VSNL1: variants seen among roughly 807,000 people sequenced by gnomAD.
VSNL1 encodes visinin-like protein 1.
A neutral mutation model predicts 20.4 loss-of-function variants in VSNL1; 6 were observed. The observed-to-expected ratio is 0.29, with a 90% confidence interval of 0.16 to 0.58. The LOEUF is 0.58. Ranked by LOEUF, VSNL1 falls within the 20% of genes least tolerant of loss-of-function variation. VSNL1 has a pLI of 0.90. For synonymous variants in VSNL1, 93 were observed against 86.4 expected, an observed-to-expected ratio of 1.08 and a Z score of -0.42; for missense variants, 100 against 234.5, an observed-to-expected ratio of 0.43 and a Z score of 3.75.
intron 1 of VSNL1, among the ~76,000 whole-genome samples, chr2:17,543,893 A>T (rs2103333377): frequency 6.6e-6 from 1 of 151,774 alleles, no homozygotes; most frequent in African/African-American, 2.4e-5. Flanking sequence ...CCTTTCTTCC[A>T]TAAAAATTCT....
chr2:17,574,039 A>G (rs1240261323), intron 1 of VSNL1, among the ~76,000 whole-genome samples: 1 of 152,200 alleles, frequency 6.6e-6, no homozygotes, highest in East Asian at 1.9e-4. Context: ...CAAGGAAGCC[A>G]TTTACTGGGA....
intron 2 of VSNL1, among the ~76,000 whole-genome samples, chr2:17,610,173 A>T (rs1426891831): frequency 2.6e-5 from 4 of 152,214 alleles, no homozygotes; most frequent in African/African-American, 9.6e-5. Context: ...AGATTTACTG[A>T]TACAGAATGA....
At chr2:17,547,976 C>CT (rs1301658402) in intron 1 of VSNL1, among the ~76,000 whole-genome samples, 10 of 152,204 alleles carry the variant, frequency 6.6e-5, no homozygotes, top group African/African-American at 1.9e-4. Flanking sequence ...TGTGATACTT[C>CT]TATCTTTTAA....
At chr2:17,594,526 T>C (rs1033298) in intron 2 of VSNL1, among the ~76,000 whole-genome samples, 16,740 of 152,262 alleles carry the variant, frequency 0.11, 1,192 homozygotes, top group African/African-American at 0.2. Context: ...TCTTTTAATG[T>C]TTCTGGAAAA....
At chr2:17,570,393 T>G (rs538584825) in intron 1 of VSNL1, among the ~76,000 whole-genome samples, 16 of 152,314 alleles carry the variant, frequency 1.1e-4, no homozygotes, top group African/African-American at 3.8e-4. Flanking sequence ...TATAAACCAC[T>G]TGACTTAATG....
chr2:17,650,789 C>T (rs1349688313), intron 3 of VSNL1, among the ~76,000 whole-genome samples: 1 of 152,234 alleles, frequency 6.6e-6, no homozygotes, highest in Non-Finnish European at 1.5e-5. Context: ...GGGAAGCTGG[C>T]CTCGTTCACT....
chr2:17,591,846 G>A (rs1440171711), intron 1 of VSNL1, among the ~76,000 whole-genome samples: 7 of 151,998 alleles, frequency 4.6e-5, no homozygotes, highest in Non-Finnish European at 8.8e-5. Flanking sequence ...ACACAATGAG[G>A]TAAAGAGTGA....
chr2:17,586,641 A>G lies in VSNL1; in HGVS notation c.-5-5429A>G, dbSNP rs183833733. ...GTTTATATCCCACCTTACCTAGCAC[A>G]GAGCTTTTCTCCTGGAAGATTCTTA... On this transcript the variant is annotated intron_variant, in intron 1 of 3. Transcript: ENST00000295156. Among the ~76,000 whole-genome samples, 40 of 150,424 alleles carry G rather than the reference A, an allele frequency of 2.7e-4. 1 individual carries two copies. The highest frequency in any genetic ancestry group is 3.4e-4 in the Non-Finnish European group (23 of 67,046).
chr2:17,655,576 G>C lies in VSNL1; in HGVS notation c.*182G>C. On this transcript the variant is annotated 3_prime_UTR_variant, in exon 4 of 4. Coordinates refer to ENST00000295156, the MANE Select transcript of VSNL1 (RefSeq NM_003385.5). The surrounding 1 kb of genome is among the most constrained non-coding windows in gnomAD (Gnocchi z 5.2). ...ACTCGTGTGCATGAGAATGTCATTT[G>C]CTAATGAATTTTAAAAGCATATATA... 1.7e-6 allele frequency: 1 copy of C among 585,810 alleles called. No individual in the cohort carries two copies. Among genetic ancestry groups the C allele is most frequent in the Non-Finnish European group, 2.9e-6 (1 of 341,656 alleles). 36.3% of individuals were successfully genotyped at this position (585,810 alleles called of 1,614,324 possible). A position where few individuals can be genotyped will look rare whatever the true frequency, so the allele number is the denominator to read the frequency against.
intron 2 of VSNL1, among the ~76,000 whole-genome samples, chr2:17,618,837 C>G (rs199498285): frequency 1.3e-5 from 2 of 152,242 alleles, no homozygotes; most frequent in East Asian, 3.9e-4. Context: ...GTGAATTGGG[C>G]CAGTGGGCTT....
At chr2:17,592,512 C>CAGA (rs936763486) in intron 2 of VSNL1, among the ~76,000 whole-genome samples, 1 of 152,082 alleles carries the variant, frequency 6.6e-6, no homozygotes, top group African/African-American at 2.4e-5. Context: ...ATAAAAAGCT[C>CAGA]AGAGAAGAGT....
chr2:17,642,102 A>T (rs184669229), intron 2 of VSNL1, among the ~76,000 whole-genome samples: 1 of 152,322 alleles, frequency 6.6e-6, no homozygotes, highest in Non-Finnish European at 1.5e-5. Flanking sequence ...ACGTGACCTT[A>T]GTCACACCCA....
chr2:17,613,632 T>A (rs1028775746), intron 2 of VSNL1, among the ~76,000 whole-genome samples: 10 of 152,202 alleles, frequency 6.6e-5, no homozygotes, highest in African/African-American at 1.2e-4. Context: ...CTGAGCCCTC[T>A]TCACTCATCA....
At chr2:17,610,012 C>T (rs1458541233) in intron 2 of VSNL1, among the ~76,000 whole-genome samples, 1 of 152,288 alleles carries the variant, frequency 6.6e-6, no homozygotes, top group African/African-American at 2.4e-5. Context: ...AGTCTGGCAA[C>T]AGAGGTCTTT....
At chr2:17,578,198 A>G (rs938270908) in intron 1 of VSNL1, among the ~76,000 whole-genome samples, 2 of 152,214 alleles carry the variant, frequency 1.3e-5, no homozygotes, top group African/African-American at 4.8e-5. Context: ...CCCAGCTAGT[A>G]GATGTGCTTC....
chr2:17,655,559 G>A lies in VSNL1; in HGVS notation c.*165G>A. ...CTTCTTGTGTTTGAAACACTCGTGT[G>A]CATGAGAATGTCATTTGCTAATGAA... On this transcript the variant is annotated 3_prime_UTR_variant, in exon 4 of 4. Coordinates refer to ENST00000295156, the MANE Select transcript of VSNL1 (RefSeq NM_003385.5). The surrounding 1 kb of genome is among the most constrained non-coding windows in gnomAD (Gnocchi z 5.2). The A allele has an allele frequency of 1.6e-6, 1 of 629,808 alleles. No homozygotes were observed. The highest frequency in any genetic ancestry group is 2.3e-5 in the South Asian group (1 of 44,106). 39.0% of individuals were successfully genotyped at this position (629,808 alleles called of 1,614,324 possible).
At chr2:17,542,683 T>C (rs539463461) in intron 1 of VSNL1, among the ~76,000 whole-genome samples, 1 of 152,288 alleles carries the variant, frequency 6.6e-6, no homozygotes, top group East Asian at 1.9e-4. Context: ...CTCCCTGTCA[T>C]CATTGAGCAT....
In VSNL1 at chr2:17,644,685, T is replaced by G. The variant is rs76252263; in HGVS notation, c.163-4725T>G. Among the ~76,000 whole-genome samples, 68 of 152,308 alleles carry G rather than the reference T, an allele frequency of 4.5e-4. 1 individual carries two copies. The highest frequency in any genetic ancestry group is 1.5e-3 in the African/African-American group (63 of 41,568). On this transcript the variant is annotated intron_variant, in intron 2 of 3. Coordinates refer to ENST00000295156, the MANE Select transcript of VSNL1 (RefSeq NM_003385.5). ...AATGACCCTCCTGCAAGTCCTACCC[T>G]TGCTGAAAGAATCAGCTGGGGTGGC...
chr2:17,617,882 T>TGCACACATGCACATGCACAC (rs1665254643), intron 2 of VSNL1, among the ~76,000 whole-genome samples: 2 of 135,678 alleles, frequency 1.5e-5, no homozygotes, highest in Admixed American at 1.4e-4. Context: ...CACATGCACA[T>TGCACACATGCACATGCACAC]GCACGCGCAC....
Sources: gnomAD v4.1 joint callset for allele counts (sites outside exome capture counted in the v4.1 genomes callset) on GRCh38, gnomAD v4.1.1 for gene constraint, Gnocchi (gnomAD v3.1) non-coding constraint, MANE v1.5 for transcripts, NCBI Gene and HGNC (gene_info 2026-07-23, HGNC 2026-07-21) for gene names.